ANGPT2: variants seen among roughly 807,000 people sequenced by gnomAD.
ANGPT2 encodes the protein angiopoietin 2.
A neutral mutation model predicts 62.9 loss-of-function variants in ANGPT2; 28 were observed. The observed-to-expected ratio is 0.44, with a 90% CI of 0.33 to 0.61. The LOEUF is 0.61. Among genes scored for constraint, ANGPT2 ranks in the 20% least tolerant of loss-of-function variants. ANGPT2 has a pLI of 0.03. For missense variants in ANGPT2, 727 were observed against 594.9 expected (o/e 1.22, Z -2.31); for synonymous variants, 284 against 207.8 (o/e 1.37, Z -3.15).
At chr8:6,513,972 A>G in intron 6 of ANGPT2, 128 bp from the exon 7 acceptor site, 3 of 883,326 alleles carry the variant, frequency 3.4e-6, no homozygotes, top group Non-Finnish European at 5.1e-6. Context: ...TGCTGTGACA[A>G]TTTAGGGTCC....
At position 6,500,079 on chromosome 8, in the gene ANGPT2, C is replaced by A; in HGVS notation, c.*3022G>T. On this transcript the variant is annotated 3_prime_UTR_variant, in exon 9 of 9. Transcript: ENST00000629816. ...ATTCACAGAACTTAACACCTTTTAT[C>A]AATTTATTCGCGAGAACAAATGTGA... 1.4e-6 allele frequency: 1 copy of A among 701,626 alleles called. No individual in the cohort carries two copies. 43.5% of individuals were successfully genotyped at this position (701,626 alleles called of 1,614,324 possible).
At chr8:6,524,059 A>G (rs549122944) in intron 3 of ANGPT2, among the ~76,000 whole-genome samples, 2 of 152,370 alleles carry the variant, frequency 1.3e-5, no homozygotes, top group African/African-American at 2.4e-5. Flanking sequence ...CTTTCAAAAT[A>G]TAGACACTTT....
intron 2 of ANGPT2, 111 bp downstream of exon 2, chr8:6,532,221 G>T: frequency 8.1e-7 from 1 of 1,228,480 alleles, no homozygotes; most frequent in Non-Finnish European, 1.2e-6. Flanking sequence ...CTTTTCTCCT[G>T]TGGTGGTGCT....
At chr8:6,522,982 C>G (rs1368834132) in intron 3 of ANGPT2, among the ~76,000 whole-genome samples, 1 of 151,806 alleles carries the variant, frequency 6.6e-6, no homozygotes, top group Admixed American at 6.6e-5. Flanking sequence ...ATATGTGAGC[C>G]AAGCCCTTGA....
At chr8:6,507,506 G>A (rs1328488893) in intron 8 of ANGPT2, 4 of 150,728 alleles carry the variant, frequency 2.7e-5, no homozygotes, top group Non-Finnish European at 1.5e-5. Context: ...CAGTCACTAA[G>A]TAGCGTTTGT....
At chr8:6,515,657 A>C (rs1316756428) in intron 5 of ANGPT2, among the ~76,000 whole-genome samples, 1 of 152,234 alleles carries the variant, frequency 6.6e-6, no homozygotes, top group Non-Finnish European at 1.5e-5. Context: ...TTAAATAATA[A>C]AGATTACAGT....
At chr8:6,518,452 A>G (rs1402357967) in intron 5 of ANGPT2, among the ~76,000 whole-genome samples, 1 of 152,156 alleles carries the variant, frequency 6.6e-6, no homozygotes, top group Non-Finnish European at 1.5e-5. Flanking sequence ...GACATTAACT[A>G]ATTTTCAGGG....
At chr8:6,559,246 C>CACACAT (rs1825143758) in intron 1 of ANGPT2, among the ~76,000 whole-genome samples, 1 of 151,798 alleles carries the variant, frequency 6.6e-6, no homozygotes, top group Non-Finnish European at 1.5e-5. Context: ...CACACACACA[C>CACACAT]ACACACACAC....
intron 1 of ANGPT2, among the ~76,000 whole-genome samples, chr8:6,548,225 C>T (rs559853594): frequency 9.8e-4 from 149 of 152,188 alleles, no homozygotes; most frequent in Non-Finnish European, 1.6e-3. Context: ...TTAGAACCTA[C>T]GTGAAGGCTT....
chr8:6,509,475 G>C (rs750810738), intron 7 of ANGPT2, among the ~76,000 whole-genome samples: 15 of 152,180 alleles, frequency 9.9e-5, no homozygotes, highest in African/African-American at 3.1e-4. Context: ...GGGGGCCCCG[G>C]GGGGGATGGA....
intron 3 of ANGPT2, among the ~76,000 whole-genome samples, chr8:6,522,998 T>C (rs1563340541): frequency 1.3e-5 from 2 of 150,960 alleles, no homozygotes; most frequent in Non-Finnish European, 3.0e-5. Flanking sequence ...CTTGAAAAGT[T>C]TTTTTTTTTC....
chr8:6,539,896 T>A (rs1221083791), intron 1 of ANGPT2, among the ~76,000 whole-genome samples: 1 of 152,216 alleles, frequency 6.6e-6, no homozygotes, highest in Admixed American at 6.5e-5. Context: ...CATTTAATAA[T>A]TTATGAGTGA....
chr8:6,514,470 T>G (rs1815835370), intron 6 of ANGPT2, among the ~76,000 whole-genome samples: 1 of 152,224 alleles, frequency 6.6e-6, no homozygotes. Flanking sequence ...ATTACAGGCG[T>G]GAGCCAGCAC....
rs758396594 is a variant in ANGPT2, at chr8:6,527,587, G to T, written c.534C>A (p.Thr178=). 1.9e-6 allele frequency: 3 copies of T among 1,613,818 alleles called. No individual in the cohort carries two copies. In the South Asian group the frequency reaches 3.3e-5, roughly 18 times the overall value. The change falls in exon 3 of 9, where the codon ACC becomes ACA. Residue 178 remains threonine (T), a synonymous_variant. Coordinates refer to ENST00000629816, the MANE Select transcript of ANGPT2 (RefSeq NM_001118887.2). ...TATCTTGCAATTTGTTTATTTCACTGGTCTGGTCCAAAATCTGTTTTTCCA... is the reference window on the plus strand; with the variant it reads ...TATCTTGCAATTTGTTTATTTCACTTGTCTGGTCCAAAATCTGTTTTTCCA... ...NKLEKQILDQ[T]SEINKLQDKN...
rs954611259 is a variant in ANGPT2 at position 6,563,059 on chromosome 8, GTCTTC to G, written c.-130_-126del. ...GCCATGGCTGGGTCCGTCAATGAAA[GTCTTC>G]TCTTTCCTCTTTTTCCAGTAGCAAA... On this transcript the variant is annotated 5_prime_UTR_variant, in exon 1 of 9. An upstream open reading frame in the 5' UTR loses its in-frame stop. Coordinates refer to ENST00000629816, the MANE Select transcript of ANGPT2 (RefSeq NM_001118887.2). 3 of 1,052,912 alleles carry G rather than the reference GTCTTC, an allele frequency of 2.8e-6. No homozygotes were observed. The African/African-American group carries it at 4.8e-5, about 17-fold the overall frequency. 65.2% of individuals were successfully genotyped at this position (1,052,912 alleles called of 1,614,324 possible).
intron 1 of ANGPT2, among the ~76,000 whole-genome samples, chr8:6,559,893 G>T (rs1825250915): frequency 6.6e-6 from 1 of 152,212 alleles, no homozygotes; most frequent in Non-Finnish European, 1.5e-5. Flanking sequence ...CTACTACACA[G>T]TGAGTAAGCT....
At position 6,501,359 on chromosome 8, in the gene ANGPT2, G is replaced by A. The variant is rs555929864; in HGVS notation, c.*1742C>T. ...AGACATATAGTAGATGCTAGTTACA[G>A]ACTGGACTCTGAACTTCCTTGCAAA... On this transcript the variant is annotated 3_prime_UTR_variant, in exon 9 of 9. Transcript: ENST00000629816. The A allele has an allele frequency of 1.3e-5, 2 of 152,300 alleles. No individual in the cohort carries two copies. Among genetic ancestry groups the A allele is most frequent in the East Asian group, 3.9e-4 (2 of 5,190 alleles). 9.4% of individuals were successfully genotyped at this position (152,300 alleles called of 1,614,324 possible). A position where few individuals can be genotyped will look rare whatever the true frequency, so the allele number is the denominator to read the frequency against.
intron 5 of ANGPT2, among the ~76,000 whole-genome samples, chr8:6,515,200 C>T (rs1816020549): frequency 7.2e-6 from 1 of 138,940 alleles, no homozygotes; most frequent in African/African-American, 2.6e-5. Flanking sequence ...AAACCTTTCA[C>T]TAAATGCCAG....
At chr8:6,543,193 G>T (rs1204165406) in intron 1 of ANGPT2, among the ~76,000 whole-genome samples, 1 of 151,952 alleles carries the variant, frequency 6.6e-6, no homozygotes, top group East Asian at 1.9e-4. Context: ...TAGAATTTTT[G>T]AGATAATATT....
Sources: gnomAD v4.1 joint callset for allele counts (sites outside exome capture counted in the v4.1 genomes callset) on GRCh38, gnomAD v4.1.1 for gene constraint, MANE v1.5 for transcripts, NCBI Gene and HGNC (gene_info 2026-07-23, HGNC 2026-07-21) for gene names.